The following ERBB4 variants were observed in gnomAD, a reference collection of about 807,000 sequenced individuals.
ERBB4 encodes receptor tyrosine-protein kinase erbB-4.
A neutral mutation model predicts 158.0 loss-of-function variants in ERBB4; 42 were observed. The ratio of observed to expected loss-of-function variants is 0.27; its 90% CI spans 0.21 to 0.34. The LOEUF (loss-of-function observed/expected upper bound fraction) is 0.34, where lower values mean the gene tolerates loss of function less well. Among genes scored for constraint, ERBB4 ranks in the 10% least tolerant of loss-of-function variants. The pLI is 1.00. For missense variants in ERBB4, 1,333 were observed against 1,624.1 expected (o/e 0.82, Z 3.08); for synonymous variants, 583 against 558.7 (o/e 1.04, Z -0.61).
intron 1 of ERBB4, among the ~76,000 whole-genome samples, chr2:212,510,016 AC>A (rs1288041596): frequency 2.0e-5 from 3 of 151,546 alleles, no homozygotes; most frequent in Non-Finnish European, 4.4e-5. Context: ...AACATTTTAA[AC>A]CCAAAAAGAT....
At chr2:212,259,673 C>G (rs2084862477) in intron 1 of ERBB4, among the ~76,000 whole-genome samples, 1 of 152,104 alleles carries the variant, frequency 6.6e-6, no homozygotes, top group African/African-American at 2.4e-5. Context: ...AATGTAAACT[C>G]CCTTTGTTCA....
At chr2:211,461,654 C>T (rs2064533782) in intron 20 of ERBB4, among the ~76,000 whole-genome samples, 1 of 151,976 alleles carries the variant, frequency 6.6e-6, no homozygotes, top group African/African-American at 2.4e-5. Flanking sequence ...AACATAGACA[C>T]TAAGCATATG....
intron 20 of ERBB4, among the ~76,000 whole-genome samples, chr2:211,473,150 G>A (rs1559203194): frequency 6.6e-6 from 1 of 151,860 alleles, no homozygotes; most frequent in Non-Finnish European, 1.5e-5. Flanking sequence ...CTCATTATAG[G>A]AAGGCAAACA....
intron 20 of ERBB4, among the ~76,000 whole-genome samples, chr2:211,542,223 G>A (rs1013863297): frequency 1.3e-5 from 2 of 151,998 alleles, no homozygotes; most frequent in Non-Finnish European, 2.9e-5. Flanking sequence ...ATGGCCTGCA[G>A]GTTGCTGGAA....
At chr2:211,654,271 C>T (rs181236790) in intron 16 of ERBB4, among the ~76,000 whole-genome samples, 1 of 152,278 alleles carries the variant, frequency 6.6e-6, no homozygotes, top group East Asian at 1.9e-4. Context: ...ATGTAAATGT[C>T]AAACTTTCTC....
At chr2:211,530,024 TA>T (rs2066453078) in intron 20 of ERBB4, among the ~76,000 whole-genome samples, 1 of 151,904 alleles carries the variant, frequency 6.6e-6, no homozygotes, top group Admixed American at 6.6e-5. Flanking sequence ...GAAAAATAAA[TA>T]AAAAGCTCCA....
rs112734490 is a variant in ERBB4 at position 211,853,164 on chromosome 2, A to C, written c.422-65005T>G. Among the ~76,000 whole-genome samples, 761 of 152,104 alleles carry C rather than the reference A, an allele frequency of 5.0e-3. 2 individuals carry two copies. Among genetic ancestry groups the C allele is most frequent in the South Asian group, 9.1e-3 (44 of 4,820 alleles). On this transcript the variant is annotated intron_variant, in intron 3 of 27. Coordinates refer to ENST00000342788, the MANE Select transcript of ERBB4 (RefSeq NM_005235.3). ...TTTCACAGAGCTTCCCAATGCTTAT[A>C]TGGTTTTAGGCTGGAAATAGAGATC... is the stretch of plus-strand genomic sequence containing the variant.
intron 4 of ERBB4, among the ~76,000 whole-genome samples, chr2:211,753,290 A>AC (rs987370308): frequency 2.0e-5 from 3 of 151,654 alleles, no homozygotes; most frequent in Non-Finnish European, 2.9e-5. Flanking sequence ...AAAAAAAAAA[A>AC]CAAAATTTCC....
chr2:212,292,954 T>C (rs1183236419), intron 1 of ERBB4, among the ~76,000 whole-genome samples: 1 of 152,090 alleles, frequency 6.6e-6, no homozygotes, highest in Non-Finnish European at 1.5e-5. Context: ...CCAAGGACTC[T>C]TATTATAAGT....
intron 1 of ERBB4, among the ~76,000 whole-genome samples, chr2:212,225,446 C>T (rs575209151): frequency 1.0e-4 from 14 of 137,652 alleles, no homozygotes; most frequent in African/African-American, 3.5e-4. Context: ...CATAACTGTG[C>T]TTGATCTTTC....
At chr2:211,522,129 C>T (rs1186990922) in intron 20 of ERBB4, among the ~76,000 whole-genome samples, 1 of 151,990 alleles carries the variant, frequency 6.6e-6, no homozygotes, top group African/African-American at 2.4e-5. Flanking sequence ...ATAATGATTC[C>T]CTGATTGATC....
intron 19 of ERBB4, among the ~76,000 whole-genome samples, chr2:211,599,045 A>T (rs13015705): frequency 6.6e-6 from 1 of 151,584 alleles, no homozygotes; most frequent in Admixed American, 6.6e-5. Context: ...AGATTAAACA[A>T]GGTAAGATAC....
At chr2:212,383,405 CG>C (rs941518092) in intron 1 of ERBB4, among the ~76,000 whole-genome samples, 1 of 151,254 alleles carries the variant, frequency 6.6e-6, no homozygotes, top group African/African-American at 2.4e-5. Context: ...TCCACTTATC[CG>C]AAAGAAAGAA....
intron 3 of ERBB4, among the ~76,000 whole-genome samples, chr2:211,900,576 T>A (rs1255556063): frequency 2.0e-5 from 3 of 152,114 alleles, no homozygotes; most frequent in Non-Finnish European, 4.4e-5. Flanking sequence ...TCAAAGTAAC[T>A]CTATTTTAAG....
chr2:211,438,876 T>C (rs575845481), intron 20 of ERBB4, among the ~76,000 whole-genome samples: 5 of 152,226 alleles, frequency 3.3e-5, no homozygotes, highest in South Asian at 2.1e-4. Context: ...AACTTAGATT[T>C]TGGAATATTA....
At chr2:212,447,004 T>G (rs1370608035) in intron 1 of ERBB4, among the ~76,000 whole-genome samples, 1 of 151,302 alleles carries the variant, frequency 6.6e-6, no homozygotes, top group African/African-American at 2.4e-5. Flanking sequence ...TCTTTTTTTT[T>G]TTTTTTTATT....
chr2:211,706,237 T>G (rs1409969581), intron 9 of ERBB4, among the ~76,000 whole-genome samples: 1 of 152,196 alleles, frequency 6.6e-6, no homozygotes, highest in African/African-American at 2.4e-5. Context: ...TTTTTAGAAG[T>G]ATGTATCTAC....
intron 1 of ERBB4, among the ~76,000 whole-genome samples, chr2:212,325,259 C>T (rs1485621185): frequency 6.7e-6 from 1 of 150,360 alleles, no homozygotes; most frequent in African/African-American, 2.4e-5. Flanking sequence ...TAAAGGTAGT[C>T]CATAAAACGT....
chr2:211,608,178 T>A (rs2069060106), intron 19 of ERBB4, among the ~76,000 whole-genome samples: 1 of 152,146 alleles, frequency 6.6e-6, no homozygotes. Flanking sequence ...AAGAAAAAGA[T>A]GAGGCCATCA....
Sources: gnomAD v4.1 joint callset for allele counts (sites outside exome capture counted in the v4.1 genomes callset) on GRCh38, gnomAD v4.1.1 for gene constraint, MANE v1.5 for transcripts, NCBI Gene and HGNC (gene_info 2026-07-23, HGNC 2026-07-21) for gene names.